The following RYR3 variants were observed in gnomAD, a reference collection of about 807,000 sequenced individuals.
RYR3 encodes brain ryanodine receptor-calcium release channel.
RYR3 carries 207 observed loss-of-function variants against 584.3 expected under a neutral mutation model. The ratio of observed to expected loss-of-function variants is 0.35; its 90% CI spans 0.32 to 0.40. The LOEUF (loss-of-function observed/expected upper bound fraction) is 0.40, where lower values mean the gene tolerates loss of function less well. RYR3 is among the 10% of genes least tolerant of loss of function. RYR3 has a pLI of 1.00. For missense variants in RYR3, 5,616 were observed against 6,089.2 expected (o/e 0.92, Z 2.59); for synonymous variants, 2,416 against 2,248.5 (o/e 1.07, Z -2.11).
intron 32 of RYR3, among the ~76,000 whole-genome samples, chr15:33,657,737 A>G (rs1273917835): frequency 6.6e-6 from 1 of 152,212 alleles, no homozygotes; most frequent in Non-Finnish European, 1.5e-5. Context: ...TTTTACTGGC[A>G]CTTATCTCTT....
intron 8 of RYR3, among the ~76,000 whole-genome samples, chr15:33,544,561 T>C (rs1176282682): frequency 6.6e-6 from 1 of 152,186 alleles, no homozygotes; most frequent in African/African-American, 2.4e-5. Flanking sequence ...CTGGCTGATT[T>C]CAGATGCAAG....
At chr15:33,519,336 C>T (rs1426438416) in intron 3 of RYR3, among the ~76,000 whole-genome samples, 1 of 152,158 alleles carries the variant, frequency 6.6e-6, no homozygotes, top group Non-Finnish European at 1.5e-5. Context: ...CAGAGAGAGT[C>T]AAACATTAGT....
chr15:33,832,623 C>G (rs948793059), intron 86 of RYR3, among the ~76,000 whole-genome samples: 4 of 146,926 alleles, frequency 2.7e-5, no homozygotes, highest in Admixed American at 6.9e-5. Flanking sequence ...CGCCATTGCA[C>G]TACAGCATGG....
chr15:33,437,548 G>A (rs1472922607), intron 1 of RYR3, among the ~76,000 whole-genome samples: 1 of 152,158 alleles, frequency 6.6e-6, no homozygotes, highest in Non-Finnish European at 1.5e-5. Flanking sequence ...AAAGGAGGCT[G>A]GGAATTAAAA....
At chr15:33,673,770 T>A (rs2063990364) in intron 38 of RYR3, among the ~76,000 whole-genome samples, 1 of 152,250 alleles carries the variant, frequency 6.6e-6, no homozygotes, top group South Asian at 2.1e-4. Context: ...CTCTGCCATT[T>A]GTTGAATGCT....
chr15:33,398,951 C>T (rs184273333), intron 1 of RYR3, among the ~76,000 whole-genome samples: 25 of 152,274 alleles, frequency 1.6e-4, no homozygotes, highest in African/African-American at 5.3e-4. Context: ...ATTGTGGGGG[C>T]ATTGCCTGGT....
intron 20 of RYR3, among the ~76,000 whole-genome samples, chr15:33,628,187 A>G (rs536491431): frequency 2.0e-5 from 3 of 152,294 alleles, no homozygotes; most frequent in African/African-American, 7.2e-5. Flanking sequence ...GAACATGTAG[A>G]GAGGAAATAG....
chr15:33,853,211 G>T (rs890159609), intron 95 of RYR3, 124 bp downstream of exon 95: 2 of 972,466 alleles, frequency 2.1e-6, no homozygotes, highest in Non-Finnish European at 3.0e-6. Flanking sequence ...CTCAAGAAGA[G>T]TAAGTCACAG....
At chr15:33,735,510 T>C (rs542414385) in intron 48 of RYR3, among the ~76,000 whole-genome samples, 1 of 152,346 alleles carries the variant, frequency 6.6e-6, no homozygotes, top group South Asian at 2.1e-4. Flanking sequence ...GCTGAACTTA[T>C]ATACCAAATT....
At chr15:33,400,804 C>T (rs1406639072) in intron 1 of RYR3, among the ~76,000 whole-genome samples, 1 of 152,182 alleles carries the variant, frequency 6.6e-6, no homozygotes, top group African/African-American at 2.4e-5. Flanking sequence ...TAATCCAACA[C>T]ATTAAAACTA....
intron 2 of RYR3, among the ~76,000 whole-genome samples, chr15:33,481,185 T>C (rs890514162): frequency 7.9e-4 from 120 of 152,350 alleles, no homozygotes; most frequent in African/African-American, 2.8e-3. Flanking sequence ...TTACCTTATG[T>C]ATGTATTTAT....
At chr15:33,699,676 G>C (rs1422808223) in intron 40 of RYR3, 28 bp from the exon 41 acceptor site, 11 of 1,606,936 alleles carry the variant, frequency 6.8e-6, no homozygotes, top group African/African-American at 1.3e-5. Context: ...AGATTCTTTT[G>C]TCTGACACTT....
At chr15:33,731,366 G>A (rs966472221) in intron 47 of RYR3, 108 bp from the exon 48 acceptor site, 6 of 719,138 alleles carry the variant, frequency 8.3e-6, no homozygotes, top group South Asian at 3.3e-5. Flanking sequence ...GCTATGCAAC[G>A]TGGACATATA....
At chr15:33,773,401 A>T in intron 63 of RYR3, 133 bp from the exon 64 acceptor site, 1 of 673,030 alleles carries the variant, frequency 1.5e-6, no homozygotes, top group South Asian at 1.8e-5. Flanking sequence ...TAGAAAAGGG[A>T]TATGTTTGTT....
intron 85 of RYR3, among the ~76,000 whole-genome samples, chr15:33,830,511 CTCACTT>C (rs2077612117): frequency 6.6e-6 from 1 of 152,144 alleles, no homozygotes; most frequent in African/African-American, 2.4e-5. Flanking sequence ...TTTTGTATGA[CTCACTT>C]TATTGTAATG....
intron 1 of RYR3, chr15:33,467,377 G>C: frequency 2.1e-6 from 1 of 466,388 alleles, no homozygotes. Flanking sequence ...GTTCCAGAGA[G>C]TTCCTCACAG....
At chr15:33,754,787 G>A (rs773683470) in intron 57 of RYR3, among the ~76,000 whole-genome samples, 1 of 152,158 alleles carries the variant, frequency 6.6e-6, no homozygotes, top group Non-Finnish European at 1.5e-5. Flanking sequence ...CAGCTAGCAT[G>A]TAAATTCTTT....
chr15:33,444,877 C>G (rs560702223), intron 1 of RYR3, among the ~76,000 whole-genome samples: 1 of 151,328 alleles, frequency 6.6e-6, no homozygotes, highest in South Asian at 2.1e-4. Flanking sequence ...GCACGTTGTG[C>G]ACATGTACCC....
At chr15:33,743,959 G>A (rs886517031) in intron 52 of RYR3, among the ~76,000 whole-genome samples, 4 of 152,044 alleles carry the variant, frequency 2.6e-5, no homozygotes, top group African/African-American at 9.7e-5. Context: ...CTTTGGTATG[G>A]CCTGGTAGGC....
Sources: allele counts gnomAD v4.1 joint callset (sites outside exome capture counted in the v4.1 genomes callset), GRCh38; gene constraint gnomAD v4.1.1; transcripts MANE v1.5; gene names NCBI Gene and HGNC (gene_info 2026-07-23, HGNC 2026-07-21).